The following BMPR2 variants were observed in gnomAD, a reference collection of about 807,000 sequenced individuals.
BMPR2 encodes the protein bone morphogenetic protein receptor type-2.
BMPR2 carries 29 observed loss-of-function variants against 100.8 expected under a neutral mutation model. The observed-to-expected ratio is 0.29, with a 90% CI of 0.21 to 0.39. The LOEUF (loss-of-function observed/expected upper bound fraction) is 0.39, where lower values mean the gene tolerates loss of function less well. Among genes scored for constraint, BMPR2 ranks in the 10% least tolerant of loss-of-function variants. The pLI, the probability that BMPR2 is intolerant of heterozygous loss-of-function variation, is 1.00. For missense variants in BMPR2, 1,011 were observed against 1,274.5 expected, an observed-to-expected ratio of 0.79 and a Z score of 3.15; for synonymous variants, 382 against 442.3, an observed-to-expected ratio of 0.86 and a Z score of 1.71.
At chr2:202,457,918 A>T (rs541441297) in intron 1 of BMPR2, among the ~76,000 whole-genome samples, 23 of 152,048 alleles carry the variant, frequency 1.5e-4, no homozygotes, top group Non-Finnish European at 3.2e-4. Context: ...TTTAGTAGAG[A>T]TGGGGTTTCT....
chr2:202,544,778 T>A (rs1489064501), intron 10 of BMPR2, among the ~76,000 whole-genome samples: 1 of 147,958 alleles, frequency 6.8e-6, no homozygotes, highest in Non-Finnish European at 1.5e-5. Flanking sequence ...TTTTTTTTTT[T>A]TTTTGAGACA....
chr2:202,404,881 T>C (rs1185033973), intron 1 of BMPR2, among the ~76,000 whole-genome samples: 1 of 151,960 alleles, frequency 6.6e-6, no homozygotes, highest in Non-Finnish European at 1.5e-5. Context: ...CAGGCTGGAG[T>C]GCCAGGTTGG....
chr2:202,436,023 G>T (rs1308467253), intron 1 of BMPR2, among the ~76,000 whole-genome samples: 1 of 150,494 alleles, frequency 6.6e-6, no homozygotes, highest in Non-Finnish European at 1.5e-5. Context: ...TTTTATTTTA[G>T]TTTTATGTTT....
chr2:202,483,875 T>G (rs1053756661), intron 3 of BMPR2, among the ~76,000 whole-genome samples: 1 of 152,194 alleles, frequency 6.6e-6, no homozygotes, highest in Non-Finnish European at 1.5e-5. Flanking sequence ...GAAAATCATT[T>G]GATGCCAGGA....
chr2:202,437,718 A>G (rs1177141172), intron 1 of BMPR2, among the ~76,000 whole-genome samples: 1 of 150,670 alleles, frequency 6.6e-6, no homozygotes, highest in Non-Finnish European at 1.5e-5. Context: ...ATCATATAAT[A>G]TATAGTCTTT....
intron 9 of BMPR2, among the ~76,000 whole-genome samples, chr2:202,534,224 T>C (rs1196239827): frequency 1.3e-5 from 2 of 148,296 alleles, no homozygotes; most frequent in Non-Finnish European, 3.0e-5. Context: ...TGTGTGTGTA[T>C]ATATATATAT....
In BMPR2 at chr2:202,567,122, TCA is replaced by T. The variant is rs1188602123; in HGVS notation, c.*7177_*7178del. 2 of 152,298 alleles carry T rather than the reference TCA, an allele frequency of 1.3e-5. No homozygotes were observed. Among genetic ancestry groups the T allele is most frequent in the Non-Finnish European group, 2.9e-5 (2 of 68,018 alleles). 9.4% of individuals were successfully genotyped at this position (152,298 alleles called of 1,614,324 possible). ...GTGTTTATGTAAGCTGGAATCATCC[TCA>T]GTTTTTTGCTGATAATTTTTCAAAT... On this transcript the variant is annotated 3_prime_UTR_variant, in exon 13 of 13. Coordinates refer to ENST00000374580, the MANE Select transcript of BMPR2 (RefSeq NM_001204.7).
At chr2:202,435,024 G>A (rs1691586007) in intron 1 of BMPR2, among the ~76,000 whole-genome samples, 1 of 143,370 alleles carries the variant, frequency 7.0e-6, no homozygotes, top group Non-Finnish European at 1.5e-5. Context: ...AGACCCGCCT[G>A]GGCAACATGG....
Position 202,437,967 on chromosome 2 carries a change from C to T in BMPR2, c.77-26842C>T, listed in dbSNP as rs569872946. ...TTTTTGTGGACATATGTTTTTATAT[C>T]TCTTGCATATACCCAAGAGTGAAAT... On this transcript the variant is annotated intron_variant, in intron 1 of 12. Coordinates refer to ENST00000374580, the MANE Select transcript of BMPR2 (RefSeq NM_001204.7). Among the ~76,000 whole-genome samples, 13 of 150,136 alleles carry T rather than the reference C, an allele frequency of 8.7e-5. No homozygotes were observed. The South Asian group carries it at 2.7e-3, about 31-fold the overall frequency.
chr2:202,432,443 T>C (rs1475511674), intron 1 of BMPR2, among the ~76,000 whole-genome samples: 1 of 150,572 alleles, frequency 6.6e-6, no homozygotes, highest in African/African-American at 2.5e-5. Flanking sequence ...TTTTTGGTTG[T>C]AACATCTAGG....
Position 202,387,283 on chromosome 2 carries a change from A to G in BMPR2, c.76+9733A>G, listed in dbSNP as rs1260501814. ...CTATATTGGGGAAGTGAAGAGACAC[A>G]TGAGCATTTCTCATCTTTAGTATAG... is the stretch of plus-strand genomic sequence containing the variant. On this transcript the variant is annotated intron_variant, in intron 1 of 12. Coordinates refer to ENST00000374580, the MANE Select transcript of BMPR2 (RefSeq NM_001204.7). 3.3e-5 allele frequency among the ~76,000 whole-genome samples: 5 copies of G among 152,342 alleles called. No homozygotes were observed. The East Asian group carries it at 9.6e-4, about 29-fold the overall frequency.
chr2:202,383,318 G>A (rs1233704031), intron 1 of BMPR2, among the ~76,000 whole-genome samples: 2 of 152,224 alleles, frequency 1.3e-5, no homozygotes, highest in East Asian at 3.9e-4. Flanking sequence ...AAGCCAAGGC[G>A]GGCTGATAAC....
At chr2:202,405,628 C>A (rs1186093644) in intron 1 of BMPR2, among the ~76,000 whole-genome samples, 1 of 136,996 alleles carries the variant, frequency 7.3e-6, no homozygotes, top group African/African-American at 2.8e-5. Context: ...GCGGAACTTG[C>A]AGTGAGCCAA....
At chr2:202,545,578 T>G (rs192191000) in intron 10 of BMPR2, among the ~76,000 whole-genome samples, 194 of 152,332 alleles carry the variant, frequency 1.3e-3, no homozygotes, top group African/African-American at 4.5e-3. Context: ...AAAATAATAT[T>G]TCCATTTTGG....
At chr2:202,377,678 CG>C in intron 1 of BMPR2, 128 bp downstream of exon 1, 1 of 1,105,642 alleles carries the variant, frequency 9.0e-7, no homozygotes. Context: ...AGCGGAGCTG[CG>C]ACCCGGTGCC....
chr2:202,455,747 C>A (rs549711825), intron 1 of BMPR2, among the ~76,000 whole-genome samples: 5 of 151,888 alleles, frequency 3.3e-5, no homozygotes, highest in Admixed American at 6.6e-5. Context: ...ATGGTATGTT[C>A]TTTTGTGTAC....
chr2:202,407,761 A>C (rs1031237698), intron 1 of BMPR2, among the ~76,000 whole-genome samples: 1 of 151,744 alleles, frequency 6.6e-6, no homozygotes, highest in Non-Finnish European at 1.5e-5. Flanking sequence ...AAACAAAAAC[A>C]AAAACAAAAA....
chr2:202,537,974 T>C (rs896046491), intron 9 of BMPR2, among the ~76,000 whole-genome samples: 1 of 151,156 alleles, frequency 6.6e-6, no homozygotes, highest in Non-Finnish European at 1.5e-5. Flanking sequence ...ATACAAAAAT[T>C]AGACAGGTGC....
At chr2:202,533,707 C>T (rs148903976) in intron 9 of BMPR2, among the ~76,000 whole-genome samples, 12,031 of 152,054 alleles carry the variant, frequency 0.079, 674 homozygotes, top group Non-Finnish European at 0.12. Flanking sequence ...CCTGTAGTCC[C>T]AGCTACTCGG....
Sources: gnomAD v4.1 joint callset for allele counts (sites outside exome capture counted in the v4.1 genomes callset) on GRCh38, gnomAD v4.1.1 for gene constraint, MANE v1.5 for transcripts, NCBI Gene and HGNC (gene_info 2026-07-23, HGNC 2026-07-21) for gene names.